MTUS1: variants seen among roughly 807,000 people sequenced by gnomAD.
The protein encoded by MTUS1 is microtubule-associated tumor suppressor 1.
MTUS1 carries 109 observed loss-of-function variants against 120.8 expected under a neutral mutation model. The observed-to-expected ratio is 0.90, with a 90% CI of 0.77 to 1.06. The LOEUF is 1.06. Ranked by LOEUF, MTUS1 falls within the 50% of genes least tolerant of loss-of-function variation. MTUS1 has a pLI of 0.00. For missense variants in MTUS1, 2,210 were observed against 1,486.3 expected, an observed-to-expected ratio of 1.49 and a Z score of -8.01; for synonymous variants, 737 against 550.5, an observed-to-expected ratio of 1.34 and a Z score of -4.74.
chr8:17,794,162 T>C (rs2052027488), intron 1 of MTUS1, among the ~76,000 whole-genome samples: 1 of 151,962 alleles, frequency 6.6e-6, no homozygotes, highest in Non-Finnish European at 1.5e-5. Context: ...ACCCTGTCTC[T>C]ACTAAAAATA....
At chr8:17,796,955 T>C (rs2052290962) in intron 1 of MTUS1, among the ~76,000 whole-genome samples, 1 of 152,076 alleles carries the variant, frequency 6.6e-6, no homozygotes, top group East Asian at 1.9e-4. Context: ...CCACTAAAAA[T>C]ACAAAAATTA....
At chr8:17,664,727 T>C (rs1254737877) in intron 8 of MTUS1, among the ~76,000 whole-genome samples, 1 of 152,036 alleles carries the variant, frequency 6.6e-6, no homozygotes, top group Non-Finnish European at 1.5e-5. Context: ...TGTCATAACA[T>C]TCTACTAAGG....
chr8:17,697,271 A>G (rs1818159210), intron 6 of MTUS1: 1 of 1,613,914 alleles, frequency 6.2e-7, no homozygotes, highest in Non-Finnish European at 8.5e-7. Context: ...GTGGAAAACA[A>G]CAGTGCTTCT....
In MTUS1 at chr8:17,753,733, T is replaced by C; in HGVS notation, c.2075A>G (p.Tyr692Cys). The C allele has an allele frequency of 6.2e-7, 1 of 1,601,478 alleles. No homozygotes were observed. The highest frequency in any genetic ancestry group is 2.2e-5 in the East Asian group (1 of 44,842). Reference sequence around the variant, plus strand: ...ATTACTTACCAAAAACAGAGAACCATATTCAAAAGTCTCATTCATAATCTC... The same window carrying C: ...ATTACTTACCAAAAACAGAGAACCACATTCAAAAGTCTCATTCATAATCTC... ...KQEIMNETFE[Y>C]GSLFLGSASK... Residue 692 changes from tyrosine (Y) to cysteine (C), a missense_variant, in exon 2 of 15, where the codon TAT becomes TGT. Transcript: ENST00000693296.
intron 1 of MTUS1, among the ~76,000 whole-genome samples, chr8:17,763,075 T>G: frequency 6.6e-6 from 1 of 150,656 alleles, no homozygotes; most frequent in Non-Finnish European, 1.5e-5. Flanking sequence ...CACTGCAACC[T>G]CCCCCTCCCG....
intron 1 of MTUS1, among the ~76,000 whole-genome samples, chr8:17,792,996 A>C (rs1483337961): frequency 3.3e-5 from 5 of 152,246 alleles, no homozygotes; most frequent in African/African-American, 1.2e-4. Context: ...AACTACTCTG[A>C]AACACAAATC....
rs1482680499 is a variant in MTUS1, at chr8:17,769,523, A to G, written c.-154-13562T>C. Among the ~76,000 whole-genome samples the G allele has an allele frequency of 4.0e-5, 6 of 150,348 alleles. No homozygotes were observed. The East Asian group carries it at 1.2e-3, about 29-fold the overall frequency. ...CCACCACGCCCAGATAATTTTTTGTATTTTTAGTAGAGACGGGATTTCACC... is the reference window on the plus strand; with the variant it reads ...CCACCACGCCCAGATAATTTTTTGTGTTTTTAGTAGAGACGGGATTTCACC... On this transcript the variant is annotated intron_variant, in intron 1 of 14. Coordinates refer to ENST00000693296, the MANE Select transcript of MTUS1 (RefSeq NM_001363059.2).
chr8:17,647,381 C>T (rs1203471860), intron 13 of MTUS1: 3 of 247,016 alleles, frequency 1.2e-5, no homozygotes, highest in Non-Finnish European at 2.3e-5. Flanking sequence ...CTTTCTGTTT[C>T]AATGTGAAAT....
chr8:17,742,823 G>A (rs549474449), intron 3 of MTUS1, among the ~76,000 whole-genome samples: 7 of 152,242 alleles, frequency 4.6e-5, no homozygotes, highest in East Asian at 3.9e-4. Context: ...ACATTCTCAC[G>A]TGTGTGGACA....
chr8:17,799,060 G>C (rs926583165), intron 1 of MTUS1, among the ~76,000 whole-genome samples: 4 of 151,144 alleles, frequency 2.6e-5, no homozygotes, highest in Admixed American at 2.6e-4. Context: ...ATGTTGACAA[G>C]AATACGGTAA....
At chr8:17,697,433 C>T in intron 6 of MTUS1, 1 of 1,598,984 alleles carries the variant, frequency 6.3e-7, no homozygotes, top group Non-Finnish European at 8.5e-7. Context: ...TGGACTGTCA[C>T]ATACTGTCTT....
intron 4 of MTUS1, among the ~76,000 whole-genome samples, chr8:17,719,189 T>A (rs371247134): frequency 7.2e-5 from 11 of 152,188 alleles, no homozygotes; most frequent in African/African-American, 2.6e-4. Flanking sequence ...GAAAAGGGCT[T>A]CTCATTGTTT....
intron 8 of MTUS1, among the ~76,000 whole-genome samples, chr8:17,664,477 T>C (rs2130471390): frequency 7.2e-6 from 1 of 138,796 alleles, no homozygotes; most frequent in African/African-American, 2.7e-5. Context: ...AATCCCCCTC[T>C]CTGCACCATC....
intron 1 of MTUS1, 28 bp downstream of exon 1, chr8:17,801,033 G>C (rs904960347): frequency 6.6e-6 from 1 of 152,328 alleles, no homozygotes; most frequent in Admixed American, 6.5e-5. Context: ...CCGCCGGGCA[G>C]CGGGAACAGA....
intron 6 of MTUS1, among the ~76,000 whole-genome samples, chr8:17,686,231 C>G (rs1313970287): frequency 2.0e-5 from 3 of 152,196 alleles, no homozygotes; most frequent in Non-Finnish European, 1.5e-5. Context: ...AGAACCCAGG[C>G]CTCTGATGCT....
At chr8:17,759,367 G>A (rs1242227154) in intron 1 of MTUS1, among the ~76,000 whole-genome samples, 2 of 150,954 alleles carry the variant, frequency 1.3e-5, no homozygotes, top group Admixed American at 6.6e-5. Flanking sequence ...AGGCTCAAGC[G>A]ATCTTCCCAC....
At chr8:17,793,881 A>T (rs2052002940) in intron 1 of MTUS1, among the ~76,000 whole-genome samples, 1 of 152,212 alleles carries the variant, frequency 6.6e-6, no homozygotes, top group Non-Finnish European at 1.5e-5. Flanking sequence ...ATTTCGAACA[A>T]CACAAACACT....
chr8:17,687,199 C>T (rs1554484657), intron 6 of MTUS1, among the ~76,000 whole-genome samples: 5 of 152,152 alleles, frequency 3.3e-5, no homozygotes, highest in South Asian at 4.1e-4. Context: ...GCTGGAAACT[C>T]GTGCTGTGCA....
chr8:17,723,626 A>G lies in MTUS1; in HGVS notation c.2449+46T>C, dbSNP rs1289472743. On this transcript the variant is annotated intron_variant, in intron 4 of 14. Coordinates refer to ENST00000693296, the MANE Select transcript of MTUS1 (RefSeq NM_001363059.2). The stretch of plus-strand genomic sequence containing the variant: ...TTGCAGAGCATTAGTTTTTCTTGTA[A>G]TGACTGTTTCCACAACCCCCGAAGT... The G allele has an allele frequency of 2.5e-6, 4 of 1,575,148 alleles. 1 individual carries two copies. The highest frequency in any genetic ancestry group is 1.1e-5 in the South Asian group (1 of 90,364).
Sources: allele counts gnomAD v4.1 joint callset (sites outside exome capture counted in the v4.1 genomes callset), GRCh38; gene constraint gnomAD v4.1.1; transcripts MANE v1.5; gene names NCBI Gene and HGNC (gene_info 2026-07-23, HGNC 2026-07-21).